The following APBB2 variants were observed in gnomAD, a reference collection of about 807,000 sequenced individuals.
APBB2 encodes the protein amyloid beta precursor protein binding family B member 2, also known as Fe65-like 1.
A neutral mutation model predicts 82.5 loss-of-function variants in APBB2; 38 were observed. The observed-to-expected ratio is 0.46, with a 90% confidence interval of 0.36 to 0.60. The LOEUF (loss-of-function observed/expected upper bound fraction) is 0.60, where lower values mean the gene tolerates loss of function less well. APBB2 is among the 20% of genes least tolerant of loss of function. APBB2 has a pLI of 0.00. For missense variants in APBB2, 772 were observed against 972.3 expected (o/e 0.79, Z 2.74); for synonymous variants, 341 against 368.2 (o/e 0.93, Z 0.85).
Position 41,075,734 on chromosome 4 carries a change from C to T in APBB2, c.-148-10061G>A, listed in dbSNP as rs573743192. Among the ~76,000 whole-genome samples, 9 of 152,284 alleles carry T rather than the reference C, an allele frequency of 5.9e-5. No homozygotes were observed. In the South Asian group the frequency reaches 1.9e-3, roughly 32 times the overall value. ...TTGTAATGGTGGAAATATTATGTTACGCTTATAACTGGGTCTGAGGTCAGA... is the reference window on the plus strand; with the variant it reads ...TTGTAATGGTGGAAATATTATGTTATGCTTATAACTGGGTCTGAGGTCAGA... On this transcript the variant is annotated intron_variant, in intron 3 of 17. Coordinates refer to ENST00000508593, the MANE Select transcript of APBB2 (RefSeq NM_004307.2).
chr4:41,064,039 C>T (rs571989608), intron 4 of APBB2, among the ~76,000 whole-genome samples: 6 of 128,806 alleles, frequency 4.7e-5, no homozygotes, highest in African/African-American at 1.2e-4. Context: ...AGTGCAGTGG[C>T]GCGATCTCGG....
chr4:40,962,859 T>A (rs747401397), intron 6 of APBB2, among the ~76,000 whole-genome samples: 3 of 152,224 alleles, frequency 2.0e-5, no homozygotes, highest in Non-Finnish European at 4.4e-5. Flanking sequence ...CTGTTTGCTA[T>A]TTTTTATTCA....
intron 4 of APBB2, among the ~76,000 whole-genome samples, chr4:41,042,143 A>G (rs1721762851): frequency 6.6e-6 from 1 of 151,992 alleles, no homozygotes; most frequent in South Asian, 2.1e-4. Context: ...GGTGCGCACC[A>G]CCACACCTGG....
chr4:40,922,998 G>A (rs1459550613), intron 10 of APBB2, among the ~76,000 whole-genome samples: 5 of 147,146 alleles, frequency 3.4e-5, no homozygotes, highest in African/African-American at 5.1e-5. Flanking sequence ...TTTTTGAGAC[G>A]GAGTCCCGCT....
intron 6 of APBB2, among the ~76,000 whole-genome samples, chr4:40,988,034 AAGC>A (rs749937862): frequency 6.6e-6 from 1 of 152,232 alleles, no homozygotes; most frequent in Non-Finnish European, 1.5e-5. Flanking sequence ...GAATAATTAC[AAGC>A]AGGATTATTT....
At chr4:40,886,958 C>T (rs890117945) in intron 12 of APBB2, among the ~76,000 whole-genome samples, 5 of 152,252 alleles carry the variant, frequency 3.3e-5, no homozygotes, top group Non-Finnish European at 5.9e-5. Flanking sequence ...GCAGCCCTCA[C>T]TTTGCCAGGC....
intron 12 of APBB2, among the ~76,000 whole-genome samples, chr4:40,866,461 A>T (rs906991363): frequency 6.6e-6 from 1 of 151,786 alleles, no homozygotes; most frequent in Non-Finnish European, 1.5e-5. Context: ...TGCTATTTTC[A>T]CCCTCAACTG....
At chr4:40,889,113 A>G (rs1771220003) in intron 12 of APBB2, among the ~76,000 whole-genome samples, 1 of 152,268 alleles carries the variant, frequency 6.6e-6, no homozygotes, top group South Asian at 2.1e-4. Flanking sequence ...CCCAGCTGTC[A>G]TCATTCATCA....
intron 7 of APBB2, among the ~76,000 whole-genome samples, chr4:40,939,932 A>C (rs1473030442): frequency 6.6e-6 from 1 of 152,216 alleles, no homozygotes; most frequent in African/African-American, 2.4e-5. Flanking sequence ...CAGCAGTGCA[A>C]TGCAGAAACT....
chr4:40,901,909 A>ATGTGTGTGTGTG (rs35766512), intron 10 of APBB2, among the ~76,000 whole-genome samples: 71 of 145,432 alleles, frequency 4.9e-4, no homozygotes, highest in African/African-American at 1.7e-3. Context: ...ATCCAAAATT[A>ATGTGTGTGTGTG]TGTGTGTGTG....
chr4:40,855,555 T>C (rs1760906005), intron 12 of APBB2, among the ~76,000 whole-genome samples: 1 of 151,920 alleles, frequency 6.6e-6, no homozygotes, highest in Admixed American at 6.6e-5. Flanking sequence ...GCCAACATGG[T>C]GAAATCCCGT....
intron 10 of APBB2, among the ~76,000 whole-genome samples, chr4:40,930,572 T>C (rs1578522676): frequency 6.6e-6 from 1 of 152,130 alleles, no homozygotes; most frequent in Admixed American, 6.5e-5. Flanking sequence ...TTCAGAGTAG[T>C]AGCTGAAGAG....
chr4:41,111,625 T>C (rs999513170), intron 2 of APBB2, among the ~76,000 whole-genome samples: 4 of 152,198 alleles, frequency 2.6e-5, no homozygotes, highest in Non-Finnish European at 5.9e-5. Flanking sequence ...CTCTTGCTGA[T>C]GGAAATAAAA....
chr4:41,031,956 C>T (rs1275150643), intron 5 of APBB2, among the ~76,000 whole-genome samples: 1 of 152,140 alleles, frequency 6.6e-6, no homozygotes, highest in Non-Finnish European at 1.5e-5. Context: ...GATTATATGG[C>T]TTCTAAAAAT....
intron 1 of APBB2, among the ~76,000 whole-genome samples, chr4:41,185,843 T>C (rs1016341648): frequency 6.6e-6 from 1 of 152,224 alleles, no homozygotes; most frequent in Non-Finnish European, 1.5e-5. Flanking sequence ...GAGTGTTGTG[T>C]GTGTTTGGTT....
At chr4:41,003,709 T>C (rs373277963) in intron 6 of APBB2, among the ~76,000 whole-genome samples, 26 of 152,152 alleles carry the variant, frequency 1.7e-4, no homozygotes, top group African/African-American at 6.3e-4. Flanking sequence ...CTGATGACAT[T>C]TCGATTTTGG....
intron 12 of APBB2, chr4:40,856,925 G>GC: frequency 1.0e-6 from 1 of 983,316 alleles, no homozygotes; most frequent in South Asian, 4.7e-5. Flanking sequence ...GGTCTCCCGC[G>GC]CCCGCCTCGC....
At chr4:40,966,648 C>A (rs1794731989) in intron 6 of APBB2, among the ~76,000 whole-genome samples, 1 of 152,208 alleles carries the variant, frequency 6.6e-6, no homozygotes. Context: ...ACTGTCACAA[C>A]CTGGATGGGC....
At chr4:40,977,791 T>C (rs1194136462) in intron 6 of APBB2, among the ~76,000 whole-genome samples, 1 of 152,158 alleles carries the variant, frequency 6.6e-6, no homozygotes, top group Non-Finnish European at 1.5e-5. Flanking sequence ...GATATAAAAA[T>C]GATCACCAGA....
Sources: allele counts gnomAD v4.1 joint callset (sites outside exome capture counted in the v4.1 genomes callset), GRCh38; gene constraint gnomAD v4.1.1; transcripts MANE v1.5; gene names NCBI Gene and HGNC (gene_info 2026-07-23, HGNC 2026-07-21).